Variants in INSR observed in about 807,000 individuals in gnomAD.
The protein encoded by INSR is insulin receptor.
In INSR, 67 loss-of-function variants were observed where a neutral mutation model predicts 142.6. That is an observed-to-expected ratio of 0.47 (90% confidence interval 0.39 to 0.58). INSR has a LOEUF of 0.58. INSR is among the 20% of genes least tolerant of loss of function. The probability of loss-of-function intolerance (pLI) is 0.00; values close to 1 mark genes in which losing one functional copy is unlikely to be tolerated. For missense variants in INSR, 1,248 were observed against 1,833.2 expected (o/e 0.68, Z 5.83); for synonymous variants, 756 against 743.1 (o/e 1.02, Z -0.28).
chr19:7,130,333 C>T (rs777011937), intron 14 of INSR, among the ~76,000 whole-genome samples: 2 of 152,172 alleles, frequency 1.3e-5, no homozygotes, highest in Non-Finnish European at 2.9e-5. Context: ...CATGTTCTCA[C>T]CCATAAGTGA....
intron 2 of INSR, among the ~76,000 whole-genome samples, chr19:7,261,892 G>GGGTT (rs1977077129): frequency 6.6e-6 from 1 of 152,178 alleles, no homozygotes; most frequent in Non-Finnish European, 1.5e-5. Flanking sequence ...GGGACAGGTA[G>GGGTT]AAGAAGGGGT....
chr19:7,260,689 A>G (rs1347475998), intron 2 of INSR, among the ~76,000 whole-genome samples: 2 of 151,864 alleles, frequency 1.3e-5, no homozygotes, highest in Non-Finnish European at 2.9e-5. Context: ...CAGGACACTC[A>G]CGGAGCACCT....
intron 13 of INSR, among the ~76,000 whole-genome samples, chr19:7,133,010 C>T (rs916008777): frequency 4.6e-5 from 7 of 151,884 alleles, no homozygotes; most frequent in Non-Finnish European, 1.0e-4. Flanking sequence ...GCCTGTAATC[C>T]CAGCCCTATG....
At chr19:7,204,087 T>G (rs962554267) in intron 2 of INSR, among the ~76,000 whole-genome samples, 2 of 151,670 alleles carry the variant, frequency 1.3e-5, no homozygotes, top group Non-Finnish European at 2.9e-5. Context: ...CTCAGCCTCC[T>G]GAGTAGCTGG....
At chr19:7,147,913 T>G (rs1294115451) in intron 11 of INSR, among the ~76,000 whole-genome samples, 1 of 147,832 alleles carries the variant, frequency 6.8e-6, no homozygotes, top group Non-Finnish European at 1.5e-5. Flanking sequence ...AGACAAAGCA[T>G]CAACTGATTT....
At chr19:7,293,684 GC>G (rs1968557953) in intron 1 of INSR, 107 bp downstream of exon 1, 1 of 939,344 alleles carries the variant, frequency 1.1e-6, no homozygotes, top group East Asian at 4.2e-5. Flanking sequence ...ACCGCCCCCC[GC>G]CCCTGGGGAG....
At chr19:7,238,575 C>A (rs1309916447) in intron 2 of INSR, among the ~76,000 whole-genome samples, 2 of 135,684 alleles carry the variant, frequency 1.5e-5, no homozygotes, top group East Asian at 2.2e-4. Flanking sequence ...GAGCTGAGAT[C>A]ACGCCATTGC....
chr19:7,195,860 A>G (rs937505286), intron 2 of INSR, among the ~76,000 whole-genome samples: 1 of 151,960 alleles, frequency 6.6e-6, no homozygotes, highest in African/African-American at 2.4e-5. Flanking sequence ...TACTGTATCA[A>G]TGTTAATTTC....
At chr19:7,183,295 T>C (rs1369307097) in intron 3 of INSR, among the ~76,000 whole-genome samples, 1 of 151,432 alleles carries the variant, frequency 6.6e-6, no homozygotes, top group East Asian at 1.9e-4. Flanking sequence ...TGTGTGTGTG[T>C]GTGTTTTAAA....
chr19:7,248,958 C>T (rs542467247), intron 2 of INSR, among the ~76,000 whole-genome samples: 1 of 151,930 alleles, frequency 6.6e-6, no homozygotes, highest in Non-Finnish European at 1.5e-5. Flanking sequence ...AGGGTTTCTC[C>T]ATGTTGATCA....
intron 14 of INSR, among the ~76,000 whole-genome samples, chr19:7,129,556 C>T (rs1486715885): frequency 6.6e-6 from 1 of 152,002 alleles, no homozygotes; most frequent in Non-Finnish European, 1.5e-5. Context: ...AACTCCTGAC[C>T]TCAGGTGATC....
rs916599491 is a variant in INSR at position 7,192,074 on chromosome 19, AAG to A, written c.653-7439_653-7438del. Among the ~76,000 whole-genome samples, 10 of 150,878 alleles carry A rather than the reference AAG, an allele frequency of 6.6e-5. No homozygotes were observed. The highest frequency in any genetic ancestry group is 2.0e-4 in the Admixed American group (3 of 15,090). On this transcript the variant is annotated intron_variant, in intron 2 of 21. Transcript: ENST00000302850. This position sits in a 1 kb window ranked among gnomAD's most constrained non-coding sequence, Gnocchi z 4.2. Reference sequence around the variant, plus strand: ...GGAGGGAGAAAGAAAGAAGGAAAGAAAGAGAGAAAGAAGAAAGAATACAGAAA... The same window carrying A: ...GGAGGGAGAAAGAAAGAAGGAAAGAAAGAGAAAGAAGAAAGAATACAGAAA...
At position 7,225,462 on chromosome 19, in the gene INSR, G is replaced by A. The variant is rs1975750801; in HGVS notation, c.653-40825C>T. On this transcript the variant is annotated intron_variant, in intron 2 of 21. Coordinates refer to ENST00000302850, the MANE Select transcript of INSR (RefSeq NM_000208.4). The surrounding 1 kb of genome is among the most constrained non-coding windows in gnomAD (Gnocchi z 4.7). ...TCCAGTGTACCATGTCACCAATTAG[G>A]TGTTTCAAGAGGGGCTTCCAAGAGG... Among the ~76,000 whole-genome samples the A allele has an allele frequency of 6.6e-6, 1 of 151,958 alleles. No homozygotes were observed.
intron 2 of INSR, among the ~76,000 whole-genome samples, chr19:7,207,449 T>G (rs1251152133): frequency 6.6e-6 from 1 of 151,308 alleles, no homozygotes; most frequent in Non-Finnish European, 1.5e-5. Context: ...AATAAAAAAT[T>G]AAAATGAATG....
intron 2 of INSR, among the ~76,000 whole-genome samples, chr19:7,246,279 CA>C (rs1976534299): frequency 6.6e-6 from 1 of 152,108 alleles, no homozygotes; most frequent in African/African-American, 2.4e-5. Flanking sequence ...AACAGAAACT[CA>C]AAAGGCACTT....
At chr19:7,201,667 C>CTTTTTTTTTT (rs570519539) in intron 2 of INSR, among the ~76,000 whole-genome samples, 1 of 127,880 alleles carries the variant, frequency 7.8e-6, no homozygotes, top group Non-Finnish European at 1.6e-5. Context: ...TATTTTCATT[C>CTTTTTTTTTT]TTTTTTTTTT....
chr19:7,152,553 G>T, intron 10 of INSR, 173 bp downstream of exon 10: 1 of 699,642 alleles, frequency 1.4e-6, no homozygotes, highest in Non-Finnish European at 2.6e-6. Context: ...AATTCCCCTC[G>T]AAATTTCGAA....
chr19:7,249,039 G>A lies in INSR; in HGVS notation c.652+18306C>T, dbSNP rs1046556361. Among the ~76,000 whole-genome samples the A allele has an allele frequency of 1.8e-4, 27 of 152,096 alleles. 1 individual carries two copies. The highest frequency in any genetic ancestry group is 6.6e-4 in the Admixed American group (10 of 15,252). On this transcript the variant is annotated intron_variant, in intron 2 of 21. Transcript: ENST00000302850. ...CTCCCAAAATGCTGGGATTACAGGC[G>A]TGAGTTACTGCGCCCATGTCCCCCA... is the stretch of plus-strand genomic sequence containing the variant.
chr19:7,249,649 A>G (rs1976644452), intron 2 of INSR, among the ~76,000 whole-genome samples: 1 of 151,964 alleles, frequency 6.6e-6, no homozygotes, highest in Non-Finnish European at 1.5e-5. Context: ...GGAGTTCAAG[A>G]CCAGCCTGGG....
Sources: gnomAD v4.1 joint callset for allele counts (sites outside exome capture counted in the v4.1 genomes callset) on GRCh38, gnomAD v4.1.1 for gene constraint, Gnocchi (gnomAD v3.1) non-coding constraint, MANE v1.5 for transcripts, NCBI Gene and HGNC (gene_info 2026-07-23, HGNC 2026-07-21) for gene names.